WDR45B: variants seen among roughly 807,000 people sequenced by gnomAD.
WDR45B encodes the protein WD repeat domain phosphoinositide-interacting protein 3.
A neutral mutation model predicts 44.6 loss-of-function variants in WDR45B; 20 were observed. The observed-to-expected ratio is 0.45, with a 90% CI of 0.32 to 0.65. The LOEUF is 0.65. WDR45B is among the 30% of genes least tolerant of loss of function. The pLI is 0.05. For synonymous variants in WDR45B, 169 were observed against 164.9 expected, an observed-to-expected ratio of 1.02 and a Z score of -0.19; for missense variants, 323 against 430.2, an observed-to-expected ratio of 0.75 and a Z score of 2.20.
At chr17:82,619,199 C>T in intron 6 of WDR45B, 71 bp from the exon 7 acceptor site, 2 of 1,418,770 alleles carry the variant, frequency 1.4e-6, no homozygotes, top group Non-Finnish European at 2.0e-6. Context: ...AAATGACTCA[C>T]ATTCACAAAT....
intron 2 of WDR45B, among the ~76,000 whole-genome samples, chr17:82,634,545 TC>T (rs1434092423): frequency 1.3e-5 from 2 of 151,556 alleles, no homozygotes; most frequent in African/African-American, 4.9e-5. Flanking sequence ...CCACTTCTAG[TC>T]ATACAAGCAA....
intron 6 of WDR45B, 63 bp downstream of exon 6, chr17:82,621,546 G>A: frequency 6.2e-7 from 1 of 1,606,430 alleles, no homozygotes; most frequent in Non-Finnish European, 8.5e-7. Context: ...ACAGGGAATG[G>A]CCATTTTGCT....
chr17:82,623,223 C>T (rs761475536), intron 5 of WDR45B, among the ~76,000 whole-genome samples: 20 of 151,636 alleles, frequency 1.3e-4, no homozygotes, highest in Non-Finnish European at 2.6e-4. Context: ...CCCGTCTCTA[C>T]TAAAAATACA....
At chr17:82,647,981 G>A (rs1365070160) in intron 1 of WDR45B, among the ~76,000 whole-genome samples, 1 of 145,406 alleles carries the variant, frequency 6.9e-6, no homozygotes, top group East Asian at 2.1e-4. Context: ...GTCTCCCACC[G>A]ACCTCGACCT....
chr17:82,636,474 C>T lies in WDR45B; in HGVS notation c.143-5452G>A, dbSNP rs978067721. On this transcript the variant is annotated intron_variant, in intron 2 of 9. Transcript: ENST00000392325. ...CAGGAATTAGAGAGGACTTCTAAAC[C>T]CCGCCAAAGAGATTCTCCCATAATA... 1.2e-4 allele frequency: 18 copies of T among 151,668 alleles called. 2 individuals carry two copies. The highest frequency in any genetic ancestry group is 3.4e-4 in the African/African-American group (14 of 41,092). 9.4% of individuals were successfully genotyped at this position (151,668 alleles called of 1,614,324 possible). A position where few individuals can be genotyped will look rare whatever the true frequency, so the allele number is the denominator to read the frequency against.
At chr17:82,634,218 A>G (rs554476803) in intron 2 of WDR45B, among the ~76,000 whole-genome samples, 71 of 149,722 alleles carry the variant, frequency 4.7e-4, no homozygotes, top group African/African-American at 1.4e-3. Context: ...GACCAGATGC[A>G]GTGGCTCATA....
At chr17:82,638,099 T>A (rs2045859325) in intron 2 of WDR45B, among the ~76,000 whole-genome samples, 1 of 146,900 alleles carries the variant, frequency 6.8e-6, no homozygotes, top group Non-Finnish European at 1.5e-5. Flanking sequence ...GGCACGAGAA[T>A]CGCTTGAACC....
rs1421130491 is a variant in WDR45B at position 82,648,129 on chromosome 17, G to C, written c.67+145C>G. On this transcript the variant is annotated intron_variant, in intron 1 of 9. Coordinates refer to ENST00000392325, the MANE Select transcript of WDR45B (RefSeq NM_019613.4). Reference sequence around the variant, plus strand: ...AGCAGCGGCGAGGGCCGGGGCCGGGGGCTTCGGAGGGGAGCTCGGGCGGGG... The same window carrying C: ...AGCAGCGGCGAGGGCCGGGGCCGGGCGCTTCGGAGGGGAGCTCGGGCGGGG... 7.5e-6 allele frequency: 7 copies of C among 933,128 alleles called. No homozygotes were observed. The East Asian group carries it at 2.2e-4, about 30-fold the overall frequency. 57.8% of individuals were successfully genotyped at this position (933,128 alleles called of 1,614,324 possible).
At chr17:82,645,477 G>C (rs1050427286) in intron 1 of WDR45B, among the ~76,000 whole-genome samples, 1 of 152,114 alleles carries the variant, frequency 6.6e-6, no homozygotes, top group South Asian at 2.1e-4. Flanking sequence ...ACAACAGAGA[G>C]ATGTACACAG....
intron 2 of WDR45B, among the ~76,000 whole-genome samples, 168 bp downstream of exon 2, chr17:82,643,781 A>C (rs1276181717): frequency 1.3e-5 from 2 of 152,172 alleles, no homozygotes; most frequent in Admixed American, 6.5e-5. Context: ...GCACCTGTAG[A>C]AGCTCAACGA....
At position 82,646,488 on chromosome 17, in the gene WDR45B, C is replaced by CAAAAAAAA. The variant is rs779661551; in HGVS notation, c.67+1778_67+1785dup. On this transcript the variant is annotated intron_variant, in intron 1 of 9. Transcript: ENST00000392325. ...GGCAACAAGAGCGAAAACTCCGTCT[C>CAAAAAAAA]AAAAAAAAAAAAAAAAAAAAAAAAC... is the stretch of plus-strand genomic sequence containing the variant. Among the ~76,000 whole-genome samples the CAAAAAAAA allele has an allele frequency of 4.3e-3, 86 of 19,898 alleles. 1 individual carries two copies. The highest frequency in any genetic ancestry group is 6.1e-3 in the Non-Finnish European group (62 of 10,142). The allele number at this position is 19,898 out of a possible 152,430, so 13.1% of individuals were successfully genotyped here.
intron 3 of WDR45B, 63 bp downstream of exon 3, chr17:82,630,858 G>T: frequency 1.1e-5 from 16 of 1,435,316 alleles, no homozygotes; most frequent in East Asian, 2.3e-5. Flanking sequence ...AAACATAAAC[G>T]CATTCAAAAA....
rs377531175 is a variant in WDR45B at position 82,633,070 on chromosome 17, G to A, written c.143-2048C>T. 5.3e-5 allele frequency among the ~76,000 whole-genome samples: 8 copies of A among 151,416 alleles called. No homozygotes were observed. The East Asian group carries it at 7.8e-4, about 15-fold the overall frequency. ...CCCAGCTATATAGGAGTCTGTGGCA[G>A]GAGAATCGCTTGAGCCCGGGAGGCA... On this transcript the variant is annotated intron_variant, in intron 2 of 9. Coordinates refer to ENST00000392325, the MANE Select transcript of WDR45B (RefSeq NM_019613.4).
chr17:82,644,814 T>C (rs1172187471), intron 1 of WDR45B, among the ~76,000 whole-genome samples: 8 of 152,160 alleles, frequency 5.3e-5, no homozygotes, highest in Admixed American at 2.6e-4. Flanking sequence ...AAAGTCTGGA[T>C]CTTTCCAATG....
intron 2 of WDR45B, among the ~76,000 whole-genome samples, chr17:82,633,100 T>C (rs1182326866): frequency 6.7e-6 from 1 of 149,058 alleles, no homozygotes; most frequent in East Asian, 2.0e-4. Flanking sequence ...GAGGCAGAGG[T>C]TGCAGTGAGC....
At chr17:82,644,588 A>C (rs1242326029) in intron 1 of WDR45B, 1 of 176,914 alleles carries the variant, frequency 5.7e-6, no homozygotes, top group Non-Finnish European at 1.2e-5. Flanking sequence ...ACTGCCTCCA[A>C]GTCACACAGC....
chr17:82,634,679 C>T (rs556285190), intron 2 of WDR45B, among the ~76,000 whole-genome samples: 3 of 152,014 alleles, frequency 2.0e-5, no homozygotes, highest in East Asian at 1.9e-4. Flanking sequence ...ACAAACAGCA[C>T]GTGCTCCATA....
At chr17:82,622,534 G>A (rs1034358039) in intron 5 of WDR45B, among the ~76,000 whole-genome samples, 13 of 152,086 alleles carry the variant, frequency 8.5e-5, no homozygotes, top group African/African-American at 3.1e-4. Context: ...CCAGGTTCAC[G>A]CCGTTCTCCT....
At chr17:82,625,170 G>A (rs1163640905) in intron 5 of WDR45B, among the ~76,000 whole-genome samples, 1 of 152,138 alleles carries the variant, frequency 6.6e-6, no homozygotes, top group Non-Finnish European at 1.5e-5. Context: ...TGGGTGGGAG[G>A]GGACAGGGGC....
Sources: allele counts gnomAD v4.1 joint callset (sites outside exome capture counted in the v4.1 genomes callset), GRCh38; gene constraint gnomAD v4.1.1; transcripts MANE v1.5; gene names NCBI Gene and HGNC (gene_info 2026-07-23, HGNC 2026-07-21).